Variants in RBM48 observed in about 807,000 individuals in gnomAD.
The protein encoded by RBM48 is RNA binding motif protein 48.
Under a neutral mutation model 34.8 loss-of-function variants are expected in RBM48, and 32 were observed. The ratio of observed to expected loss-of-function variants is 0.92; its 90% CI spans 0.69 to 1.23. RBM48 has a LOEUF of 1.23. RBM48 is among the 50% of genes most tolerant of loss of function. RBM48 has a pLI of 0.00. For missense variants in RBM48, 441 were observed against 447.2 expected (o/e 0.99, Z 0.12); for synonymous variants, 151 against 156.2 (o/e 0.97, Z 0.25).
intron 1 of RBM48, 70 bp from the exon 2 acceptor site, chr7:92,529,406 A>G: frequency 1.3e-5 from 12 of 939,722 alleles, no homozygotes; most frequent in Non-Finnish European, 1.8e-5. Flanking sequence ...TTCTCTTTAA[A>G]AAAAAATAGA....
At chr7:92,533,547 A>G (rs1389853095) in intron 3 of RBM48, among the ~76,000 whole-genome samples, 1 of 152,164 alleles carries the variant, frequency 6.6e-6, no homozygotes, top group African/African-American at 2.4e-5. Flanking sequence ...CTTCCTCTTA[A>G]GACCTTTTTG....
At chr7:92,536,418 T>C (rs1168993800) in intron 4 of RBM48, 33 of 985,924 alleles carry the variant, frequency 3.3e-5, no homozygotes, top group Non-Finnish European at 4.0e-5. Flanking sequence ...TGTGTTTGCT[T>C]TTCCTTTTTC....
intron 4 of RBM48, 89 bp downstream of exon 4, chr7:92,535,059 T>G: frequency 6.6e-7 from 1 of 1,515,954 alleles, no homozygotes; most frequent in Non-Finnish European, 8.8e-7. Context: ...AGTACTGTAA[T>G]TTTTTTTCAC....
In RBM48 at chr7:92,534,741, A is replaced by C; in HGVS notation, c.788A>C (p.Lys263Thr). The change falls in exon 4 of 5, where the codon AAG becomes ACG. Residue 263 changes from lysine to threonine, a missense_variant. Physicochemically the swap from Lys to Thr is moderately conservative, Grantham distance 78. Transcript: ENST00000265732. Reference sequence around the variant, plus strand: ...TCAGTGGCCTGCCCTGGTGCACAAAAGGCTATTACGTCTTCAGAGGCAGTT... The same window carrying C: ...TCAGTGGCCTGCCCTGGTGCACAAACGGCTATTACGTCTTCAGAGGCAGTT... Reference protein sequence around the residue: ...KNSVACPGAQKAITSSEAVDR... With the variant: ...KNSVACPGAQTAITSSEAVDR... 6.2e-7 allele frequency: 1 copy of C among 1,614,196 alleles called. No homozygotes were observed. The highest frequency in any genetic ancestry group is 8.5e-7 in the Non-Finnish European group (1 of 1,180,028).
chr7:92,530,547 A>T (rs527735788), intron 2 of RBM48, among the ~76,000 whole-genome samples: 1 of 152,020 alleles, frequency 6.6e-6, no homozygotes, highest in Non-Finnish European at 1.5e-5. Flanking sequence ...CACACCTGTA[A>T]TCCCAGCACT....
At position 92,529,464 on chromosome 7, in the gene RBM48, C is replaced by T. The variant is rs146588526; in HGVS notation, c.112-12C>T. On this transcript the variant is annotated splice_polypyrimidine_tract_variant and intron_variant, in intron 1 of 4. Transcript: ENST00000265732. ...TTGCGAAATACGTTTAATAACTCTG[C>T]ATTTCTTTCAGGTATATACAATCAA... is the stretch of plus-strand genomic sequence containing the variant. 2.8e-4 allele frequency: 420 copies of T among 1,520,912 alleles called. 1 individual carries two copies. In the African/African-American group the frequency reaches 4.8e-3, roughly 18 times the overall value. The allele number at this position is 1,520,912 out of a possible 1,614,324, so 94.2% of individuals were successfully genotyped here.
rs951354964 is a variant in RBM48, at chr7:92,537,706, C to A, written c.*769C>A. 6.6e-6 allele frequency: 1 copy of A among 152,208 alleles called. No homozygotes were observed. The highest frequency in any genetic ancestry group is 1.5e-5 in the Non-Finnish European group (1 of 68,038). The allele number at this position is 152,208 out of a possible 1,614,324, so 9.4% of individuals were successfully genotyped here. A position where few individuals can be genotyped will look rare whatever the true frequency, so the allele number is the denominator to read the frequency against. The stretch of plus-strand genomic sequence containing the variant: ...AAGAATTTGCTTGACCTGTGGCAAT[C>A]CAAAAATACATCAGTATTTATAAAT... On this transcript the variant is annotated 3_prime_UTR_variant, in exon 5 of 5. Transcript: ENST00000265732.
rs776716667 is a variant in RBM48, at chr7:92,532,467, T to G, written c.366T>G (p.Ala122=). 6.2e-7 allele frequency: 1 copy of G among 1,612,612 alleles called. No individual in the cohort carries two copies. The highest frequency in any genetic ancestry group is 1.1e-5 in the South Asian group (1 of 91,038). The stretch of plus-strand genomic sequence containing the variant: ...GTGGATTGCTTCATGTGTGCTATGC[T>G]CCAGAATTTGAAACAGTTGAAGAAA... ...FFGGLLHVCY[A]PEFETVEETR... is the part of the protein sequence containing the mutation. Residue 122 remains alanine, a synonymous_variant, in exon 3 of 5, where the codon GCT becomes GCG. Transcript: ENST00000265732.
chr7:92,535,690 A>G, intron 4 of RBM48: 1 of 985,062 alleles, frequency 1.0e-6, no homozygotes, highest in Non-Finnish European at 1.2e-6. Context: ...ACTGCTTTTC[A>G]CATAGTTTTA....
chr7:92,535,557 C>T, intron 4 of RBM48: 1 of 985,176 alleles, frequency 1.0e-6, no homozygotes, highest in African/African-American at 1.7e-5. Flanking sequence ...ATTTCCTAAG[C>T]ACAAATGAAG....
At chr7:92,529,754 A>G in intron 2 of RBM48, 88 bp downstream of exon 2, 1 of 785,390 alleles carries the variant, frequency 1.3e-6, no homozygotes, top group East Asian at 2.7e-5. Flanking sequence ...CTCATTCATA[A>G]CTGAATTACC....
rs1238161155 is a variant in RBM48, at chr7:92,540,237, C to T, written c.*3300C>T. On this transcript the variant is annotated 3_prime_UTR_variant, in exon 5 of 5. Coordinates refer to ENST00000265732, the MANE Select transcript of RBM48 (RefSeq NM_032120.4). Reference sequence around the variant, plus strand: ...TGACCCTTTAAAATTTTTCCTGAATCTATATGGGCTATTGGCACTAGTAAC... The same window carrying T: ...TGACCCTTTAAAATTTTTCCTGAATTTATATGGGCTATTGGCACTAGTAAC... The T allele has an allele frequency of 6.6e-6, 1 of 152,202 alleles. No individual in the cohort carries two copies. The highest frequency in any genetic ancestry group is 1.5e-5 in the Non-Finnish European group (1 of 68,034). 9.4% of individuals were successfully genotyped at this position (152,202 alleles called of 1,614,324 possible). A position where few individuals can be genotyped will look rare whatever the true frequency, so the allele number is the denominator to read the frequency against.
chr7:92,535,058 A>AT (rs202023856), intron 4 of RBM48, 88 bp downstream of exon 4: 47 of 1,521,664 alleles, frequency 3.1e-5, no homozygotes, highest in East Asian at 7.3e-5. Flanking sequence ...TAGTACTGTA[A>AT]TTTTTTTTCA....
rs925853674 is a variant in RBM48 at position 92,539,111 on chromosome 7, A to C, written c.*2174A>C. Among the ~76,000 whole-genome samples the C allele has an allele frequency of 6.6e-6, 1 of 152,236 alleles. No homozygotes were observed. The highest frequency in any genetic ancestry group is 1.5e-5 in the Non-Finnish European group (1 of 68,042). ...CTGCTGGTGCACAGACCATCTTTGA[A>C]TAGCAAGGCTCTAGATAACTGGGCT... On this transcript the variant is annotated 3_prime_UTR_variant, in exon 5 of 5. Coordinates refer to ENST00000265732, the MANE Select transcript of RBM48 (RefSeq NM_032120.4).
At chr7:92,535,460 A>G (rs1430066189) in intron 4 of RBM48, 32 of 998,122 alleles carry the variant, frequency 3.2e-5, no homozygotes, top group Non-Finnish European at 3.6e-5. Flanking sequence ...TGCATTTCAA[A>G]TGTAGACTTC....
In RBM48 at chr7:92,534,576, C is replaced by T; in HGVS notation, c.623C>T (p.Ser208Leu). 6.2e-7 allele frequency: 1 copy of T among 1,614,128 alleles called. No homozygotes were observed. Among genetic ancestry groups the T allele is most frequent in the Non-Finnish European group, 8.5e-7 (1 of 1,180,024 alleles). The change falls in exon 4 of 5, where the codon TCA (serine) becomes TTA (leucine). Residue 208 changes from serine (S) to leucine (L), a missense_variant. Physicochemically the swap from Ser to Leu is moderately radical, Grantham distance 145. Coordinates refer to ENST00000265732, the MANE Select transcript of RBM48 (RefSeq NM_032120.4). ...GAATTGCCTTTATGTTATTTCTCCTCAAAATGTATGTGTTCATCCGGGGGA... is the reference window on the plus strand; with the variant it reads ...GAATTGCCTTTATGTTATTTCTCCTTAAAATGTATGTGTTCATCCGGGGGA... Reference protein sequence around the residue: ...SCELPLCYFSSKCMCSSGGPV... With the variant: ...SCELPLCYFSLKCMCSSGGPV...
rs564399180 is a variant in RBM48, at chr7:92,531,263, G to A, written c.303-1141G>A. ...GAAATGAGATAATCCATATAAAGGTGTATCCTGGTCAGAATACAGTAAACA... is the reference window on the plus strand; with the variant it reads ...GAAATGAGATAATCCATATAAAGGTATATCCTGGTCAGAATACAGTAAACA... On this transcript the variant is annotated intron_variant, in intron 2 of 4. Coordinates refer to ENST00000265732, the MANE Select transcript of RBM48 (RefSeq NM_032120.4). Among the ~76,000 whole-genome samples, 46 of 152,284 alleles carry A rather than the reference G, an allele frequency of 3.0e-4. No homozygotes were observed. In the South Asian group the frequency reaches 9.5e-3, roughly 32 times the overall value.
Position 92,529,485 on chromosome 7 carries a change from A to G in RBM48, c.121A>G (p.Ile41Val), listed in dbSNP as rs1344809491. ...TCTGCATTTCTTTCAGGTATATACA[A>G]TCAATTTGGAATCTCAGTACTTATT... The part of the protein sequence containing the change: ...RRPRAVKVYT[I>V]NLESQYLLIQ... Residue 41 changes from isoleucine to valine, a missense_variant, in exon 2 of 5, where the codon ATC becomes GTC. By Grantham distance (29) the Ile-to-Val change is conservative. Coordinates refer to ENST00000265732, the MANE Select transcript of RBM48 (RefSeq NM_032120.4). 2 of 1,595,394 alleles carry G rather than the reference A, an allele frequency of 1.3e-6. No individual in the cohort carries two copies. Among genetic ancestry groups the G allele is most frequent in the Admixed American group, 3.4e-5 (2 of 58,132 alleles).
intron 3 of RBM48, among the ~76,000 whole-genome samples, chr7:92,533,121 G>C (rs6964956): frequency 0.12 from 18,465 of 152,228 alleles, 1,158 homozygotes; most frequent in African/African-American, 0.13. Context: ...CCACATGCCT[G>C]TTCTACCACA....
Sources: allele counts gnomAD v4.1 joint callset (sites outside exome capture counted in the v4.1 genomes callset), GRCh38; gene constraint gnomAD v4.1.1; transcripts MANE v1.5; gene names NCBI Gene and HGNC (gene_info 2026-07-23, HGNC 2026-07-21).